Variants in STOX1 observed in about 807,000 individuals in gnomAD.
The protein encoded by STOX1 is storkhead box 1.
A neutral mutation model predicts 74.8 loss-of-function variants in STOX1; 57 were observed. The ratio of observed to expected loss-of-function variants is 0.76; its 90% CI spans 0.62 to 0.95. The LOEUF is 0.95. STOX1 is among the 40% of genes least tolerant of loss of function. The pLI, the probability that STOX1 is intolerant of heterozygous loss-of-function variation, is 0.00. For synonymous variants in STOX1, 375 were observed against 401.3 expected (o/e 0.93, Z 0.78); for missense variants, 1,010 against 1,117.0 (o/e 0.90, Z 1.37).
rs184331483 is a variant in STOX1, at chr10:68,865,895, A to C, written c.311-16063A>C. On this transcript the variant is annotated intron_variant, in intron 1 of 3. Coordinates refer to ENST00000298596, the MANE Select transcript of STOX1 (RefSeq NM_152709.5). ...CTCTTTACTCAGCAGCCACTGTTCT[A>C]TCCATATTGGCTTGTCTGTCAGCCA... is the stretch of plus-strand genomic sequence containing the variant. Among the ~76,000 whole-genome samples, 12 of 152,178 alleles carry C rather than the reference A, an allele frequency of 7.9e-5. No homozygotes were observed. In the East Asian group the frequency reaches 2.3e-3, roughly 29 times the overall value.
intron 1 of STOX1, among the ~76,000 whole-genome samples, chr10:68,850,193 A>G (rs1423857733): frequency 6.6e-6 from 1 of 152,138 alleles, no homozygotes; most frequent in Non-Finnish European, 1.5e-5. Flanking sequence ...TATTTTTGGT[A>G]GAGATGGGGT....
At chr10:68,872,825 A>G (rs2131979210) in intron 1 of STOX1, among the ~76,000 whole-genome samples, 1 of 152,238 alleles carries the variant, frequency 6.6e-6, no homozygotes, top group South Asian at 2.1e-4. Flanking sequence ...CTGATTTAAA[A>G]TGTTAGAATT....
intron 1 of STOX1, among the ~76,000 whole-genome samples, chr10:68,856,596 A>C (rs1346587881): frequency 1.3e-5 from 2 of 152,022 alleles, no homozygotes; most frequent in Admixed American, 1.3e-4. Flanking sequence ...CTGAGACAGG[A>C]AGATCAGCTG....
rs192785353 is a variant in STOX1, at chr10:68,886,643, T to C, written c.2822+25T>C. The C allele has an allele frequency of 1.6e-3, 2,496 of 1,609,566 alleles. 3 individuals carry two copies. Among genetic ancestry groups the C allele is most frequent in the Non-Finnish European group, 1.9e-3 (2,263 of 1,177,496 alleles). ...GGTAGGTCCATACAAAAGTGTCTGATTTAGGCCGGGCGCAGTGGCTCATGC... is the reference window on the plus strand; with the variant it reads ...GGTAGGTCCATACAAAAGTGTCTGACTTAGGCCGGGCGCAGTGGCTCATGC... On this transcript the variant is annotated intron_variant, in intron 3 of 3. Transcript: ENST00000298596.
intron 1 of STOX1, among the ~76,000 whole-genome samples, chr10:68,872,739 T>C (rs888392255): frequency 6.6e-6 from 1 of 152,212 alleles, no homozygotes; most frequent in African/African-American, 2.4e-5. Flanking sequence ...TTTTGAATTC[T>C]GAAAGAAAAT....
intron 2 of STOX1, among the ~76,000 whole-genome samples, chr10:68,883,665 C>T (rs372323797): frequency 1.3e-5 from 2 of 152,008 alleles, no homozygotes; most frequent in East Asian, 3.9e-4. Flanking sequence ...CTGCCTGTCT[C>T]AGCCTCCCAA....
chr10:68,872,896 T>G (rs1840569227), intron 1 of STOX1, among the ~76,000 whole-genome samples: 1 of 138,172 alleles, frequency 7.2e-6, no homozygotes, highest in Non-Finnish European at 1.5e-5. Flanking sequence ...ATAAGATTAA[T>G]GTAAAATAAG....
downstream of STOX1, among the ~76,000 whole-genome samples, chr10:68,893,344 A>G (rs1159303592): frequency 1.3e-5 from 2 of 152,226 alleles, no homozygotes; most frequent in Admixed American, 6.5e-5. Flanking sequence ...ATGGTTCCCA[A>G]TGTGACTGAC....
chr10:68,886,493 A>G lies in STOX1; in HGVS notation c.2697A>G (p.Gln899=). ...AGGAAATGAGAAAACATTTCCCACA[A>G]AAGTTCCAACTTTTCAACACTTCAC... ...QNQEMRKHFP[Q]KFQLFNTSHM... is the part of the protein sequence containing the mutation. Residue 899 remains glutamine, a synonymous_variant, in exon 3 of 4, where the codon CAA becomes CAG. Transcript: ENST00000298596. 1 of 1,613,976 alleles carries G rather than the reference A, an allele frequency of 6.2e-7. No homozygotes were observed. The highest frequency in any genetic ancestry group is 8.5e-7 in the Non-Finnish European group (1 of 1,179,942).
intron 1 of STOX1, among the ~76,000 whole-genome samples, chr10:68,870,823 A>G (rs1029864215): frequency 6.6e-6 from 1 of 152,212 alleles, no homozygotes; most frequent in East Asian, 1.9e-4. Context: ...TCCTACAACC[A>G]TAAGGAACTG....
intron 1 of STOX1, among the ~76,000 whole-genome samples, chr10:68,859,216 T>A (rs1840200606): frequency 6.6e-6 from 1 of 152,184 alleles, no homozygotes. Context: ...CAAGACTTCC[T>A]TTCAGAAGTG....
Position 68,884,332 on chromosome 10 carries a change from A to T in STOX1, c.536A>T (p.His179Leu). ...GTLIKERKIY[H>L]TGEGYFIVTP... Reference sequence around the variant, plus strand: ...CTGATTAAAGAAAGGAAGATTTATCACACTGGAGAAGGATACTTCATAGTT... The same window carrying T: ...CTGATTAAAGAAAGGAAGATTTATCTCACTGGAGAAGGATACTTCATAGTT... The change falls in exon 3 of 4, where the codon CAC becomes CTC. Residue 179 changes from histidine (H) to leucine (L), a missense_variant. Physicochemically the swap from His to Leu is moderately conservative, Grantham distance 99. Transcript: ENST00000298596. 1 of 1,614,196 alleles carries T rather than the reference A, an allele frequency of 6.2e-7. No individual in the cohort carries two copies. The highest frequency in any genetic ancestry group is 8.5e-7 in the Non-Finnish European group (1 of 1,180,024).
At chr10:68,834,377 C>T (rs879581308) in intron 1 of STOX1, among the ~76,000 whole-genome samples, 6 of 152,120 alleles carry the variant, frequency 3.9e-5, no homozygotes, top group African/African-American at 1.4e-4. Context: ...GACCACTGTT[C>T]TTATTTGTTC....
At chr10:68,837,661 C>T (rs530981570) in intron 1 of STOX1, among the ~76,000 whole-genome samples, 1 of 152,304 alleles carries the variant, frequency 6.6e-6, no homozygotes, top group South Asian at 2.1e-4. Context: ...GCCCATGGTG[C>T]TTGTTCAGTG....
intron 1 of STOX1, among the ~76,000 whole-genome samples, chr10:68,859,529 G>C (rs538247894): frequency 6.6e-6 from 1 of 152,166 alleles, no homozygotes; most frequent in South Asian, 2.1e-4. Flanking sequence ...CGTGTAGCCA[G>C]CTCATGGGAG....
chr10:68,893,880 A>T (rs1254794370), downstream of STOX1, among the ~76,000 whole-genome samples: 1 of 152,138 alleles, frequency 6.6e-6, no homozygotes, highest in African/African-American at 2.4e-5. Context: ...TTAGCAATTC[A>T]TCTGCATTTT....
chr10:68,879,483 A>G (rs1210555998), intron 1 of STOX1, among the ~76,000 whole-genome samples: 2 of 151,960 alleles, frequency 1.3e-5, no homozygotes, highest in African/African-American at 2.4e-5. Context: ...CCCTTGATAC[A>G]CTTTCCCTTT....
At chr10:68,847,809 G>A (rs1406395336) in intron 1 of STOX1, among the ~76,000 whole-genome samples, 1 of 151,502 alleles carries the variant, frequency 6.6e-6, no homozygotes, top group Non-Finnish European at 1.5e-5. Flanking sequence ...CTCAACTACC[G>A]AAACCTCCAC....
chr10:68,880,521 A>C (rs116712365), intron 1 of STOX1, among the ~76,000 whole-genome samples: 2 of 151,876 alleles, frequency 1.3e-5, no homozygotes, highest in African/African-American at 4.8e-5. Flanking sequence ...AATAAATCCA[A>C]TGGCTTTTCT....
Sources: allele counts gnomAD v4.1 joint callset (sites outside exome capture counted in the v4.1 genomes callset), GRCh38; gene constraint gnomAD v4.1.1; transcripts MANE v1.5; gene names NCBI Gene and HGNC (gene_info 2026-07-23, HGNC 2026-07-21).